The following IDE variants were observed in gnomAD, a reference collection of about 807,000 sequenced individuals.
The protein encoded by IDE is insulin degrading enzyme.
A neutral mutation model predicts 133.2 loss-of-function variants in IDE; 58 were observed. The ratio of observed to expected loss-of-function variants is 0.44; its 90% CI spans 0.35 to 0.54. IDE has a LOEUF of 0.54. Ranked by LOEUF, IDE falls within the 20% of genes least tolerant of loss-of-function variation. IDE has a pLI of 0.00. For synonymous variants in IDE, 396 were observed against 421.3 expected (o/e 0.94, Z 0.73); for missense variants, 981 against 1,234.0 (o/e 0.79, Z 3.07).
At chr10:92,551,316 T>C (rs988704392) in intron 1 of IDE, among the ~76,000 whole-genome samples, 3 of 151,820 alleles carry the variant, frequency 2.0e-5, no homozygotes, top group Admixed American at 6.6e-5. Context: ...ATGCCTGCAA[T>C]CCCAGCACTT....
intron 10 of IDE, among the ~76,000 whole-genome samples, 194 bp downstream of exon 10, chr10:92,506,248 T>C (rs562927859): frequency 6.6e-6 from 1 of 151,256 alleles, no homozygotes; most frequent in Non-Finnish European, 1.5e-5. Context: ...AAATATTACA[T>C]AAAATAAATT....
chr10:92,504,827 A>T lies in IDE; in HGVS notation c.1397T>A (p.Met466Lys), dbSNP rs1341626134. The T allele has an allele frequency of 6.3e-7, 1 of 1,596,812 alleles. No individual in the cohort carries two copies. Among genetic ancestry groups the T allele is most frequent in the Non-Finnish European group, 8.6e-7 (1 of 1,167,900 alleles). Residue 466 changes from methionine (M) to lysine (K), a missense_variant, in exon 11 of 25, where the codon ATG becomes AAG. Met to Lys is a moderately conservative substitution (Grantham distance 95). Around this residue, in one of 2 missense-constraint regions of IDE, gnomAD observed 660 missense variants for 894.7 expected, o/e 0.74. Coordinates refer to ENST00000265986, the MANE Select transcript of IDE (RefSeq NM_004969.4). ...LEEFRPDLIE[M>K]VLDKLRPENV... ...TTCTGGTCTGAGTTTATCGAGAACC[A>T]TCTCTATTAAGTCAGGTCTAAATTC...
intron 1 of IDE, among the ~76,000 whole-genome samples, chr10:92,561,285 A>G (rs1223536976): frequency 6.6e-6 from 1 of 151,910 alleles, no homozygotes; most frequent in Non-Finnish European, 1.5e-5. Context: ...AAATAAATAA[A>G]TAAGTAAGGC....
chr10:92,572,154 A>C (rs917189365), intron 1 of IDE, among the ~76,000 whole-genome samples: 3 of 152,234 alleles, frequency 2.0e-5, no homozygotes, highest in Admixed American at 6.5e-5. Flanking sequence ...TAACTAGAAC[A>C]TACAAACCAC....
intron 4 of IDE, among the ~76,000 whole-genome samples, chr10:92,518,748 ACT>A (rs1329479059): frequency 6.6e-6 from 1 of 152,242 alleles, no homozygotes; most frequent in African/African-American, 2.4e-5. Context: ...AATATGGACA[ACT>A]CTTACAAAAC....
At chr10:92,562,878 G>A (rs11187070) in intron 1 of IDE, among the ~76,000 whole-genome samples, 25,076 of 152,164 alleles carry the variant, frequency 0.16, 2,436 homozygotes, top group Middle Eastern at 0.21. Context: ...GGTGGCTCAC[G>A]TCTGTAATCC....
intron 12 of IDE, among the ~76,000 whole-genome samples, chr10:92,488,617 A>T (rs1265216165): frequency 6.6e-6 from 1 of 152,036 alleles, no homozygotes; most frequent in Non-Finnish European, 1.5e-5. Context: ...ATCTATTAAA[A>T]ATACAAAAAA....
In IDE at chr10:92,510,560, C is replaced by T. The variant is rs1436921465; in HGVS notation, c.785-398G>A. On this transcript the variant is annotated intron_variant, in intron 5 of 24. Coordinates refer to ENST00000265986, the MANE Select transcript of IDE (RefSeq NM_004969.4). ...GTATTTGCATTTTATTTATAAAAGA[C>T]GCCTATTTTTACTTTAGTTTTTTGA... Among the ~76,000 whole-genome samples the T allele has an allele frequency of 4.0e-5, 6 of 151,718 alleles. No individual in the cohort carries two copies. The East Asian group carries it at 5.8e-4, about 15-fold the overall frequency.
chr10:92,466,506 G>A (rs939256865), intron 19 of IDE, among the ~76,000 whole-genome samples: 14 of 152,020 alleles, frequency 9.2e-5, no homozygotes, highest in East Asian at 1.9e-4. Flanking sequence ...TGGTAGATAC[G>A]GGGTTTTGCC....
intron 3 of IDE, among the ~76,000 whole-genome samples, chr10:92,534,011 GA>G (rs1850090427): frequency 6.8e-6 from 1 of 147,260 alleles, no homozygotes; most frequent in African/African-American, 2.5e-5. Flanking sequence ...AAACAAGTGC[GA>G]AACTCCGTCT....
At chr10:92,538,937 A>G (rs1404158237) in intron 1 of IDE, among the ~76,000 whole-genome samples, 1 of 152,190 alleles carries the variant, frequency 6.6e-6, no homozygotes, top group East Asian at 1.9e-4. Flanking sequence ...AACAGATCTG[A>G]CTGTTCCTTA....
Position 92,490,525 on chromosome 10 carries a change from T to C in IDE, c.1501A>G (p.Lys501Glu). Residue 501 changes from lysine (K) to glutamate (E), a missense_variant, in exon 12 of 25, where the codon AAA becomes GAA. Physicochemically the swap from Lys to Glu is moderately conservative, Grantham distance 56. Transcript: ENST00000265986. Reference sequence around the variant, plus strand: ...ACTTCATCCGGTATAGCTTCTTGTTTGTACTGGGTTCCATACCACTCTTCT... The same window carrying C: ...ACTTCATCCGGTATAGCTTCTTGTTCGTACTGGGTTCCATACCACTCTTCT... ...RTEEWYGTQY[K>E]QEAIPDEVIK... is the part of the protein sequence containing the mutation. 2 of 1,611,652 alleles carry C rather than the reference T, an allele frequency of 1.2e-6. No individual in the cohort carries two copies. Among genetic ancestry groups the C allele is most frequent in the Non-Finnish European group, 1.7e-6 (2 of 1,177,850 alleles).
chr10:92,524,446 T>TA (rs1849465005), intron 4 of IDE, among the ~76,000 whole-genome samples: 2 of 42,968 alleles, frequency 4.7e-5, no homozygotes, highest in Non-Finnish European at 8.0e-5. Context: ...TATAATATAT[T>TA]TTATATATTA....
Position 92,496,132 on chromosome 10 carries a change from C to A in IDE, c.1431-5537G>T, listed in dbSNP as rs574118429. Among the ~76,000 whole-genome samples, 7 of 152,238 alleles carry A rather than the reference C, an allele frequency of 4.6e-5. No homozygotes were observed. The East Asian group carries it at 1.4e-3, about 29-fold the overall frequency. On this transcript the variant is annotated intron_variant, in intron 11 of 24. Transcript: ENST00000265986. ...TCAGGTGATCCACCTGCCTCAGCCT[C>A]TCAAAGTGCTGGGATTACAGGCGTG...
intron 11 of IDE, among the ~76,000 whole-genome samples, chr10:92,492,498 T>C (rs1451592255): frequency 6.6e-6 from 1 of 152,142 alleles, no homozygotes; most frequent in African/African-American, 2.4e-5. Flanking sequence ...CTGGGACCAA[T>C]CCTATTTTGA....
At chr10:92,479,200 C>A in intron 15 of IDE, 77 bp downstream of exon 15, 2 of 1,024,386 alleles carry the variant, frequency 2.0e-6, no homozygotes, top group Non-Finnish European at 2.8e-6. Flanking sequence ...AACTCACACC[C>A]TCAATCAAAA....
At chr10:92,507,707 A>T in intron 8 of IDE, 41 bp from the exon 9 acceptor site, 1 of 1,083,110 alleles carries the variant, frequency 9.2e-7, no homozygotes, top group Non-Finnish European at 1.4e-6. Flanking sequence ...TCAGTCCTTG[A>T]ATCCTTCAAA....
intron 13 of IDE, among the ~76,000 whole-genome samples, chr10:92,486,603 T>C (rs1223072811): frequency 1.3e-5 from 2 of 152,108 alleles, no homozygotes; most frequent in Non-Finnish European, 2.9e-5. Flanking sequence ...GAAGGGAGAA[T>C]GTGCTGTAAT....
chr10:92,468,995 G>A lies in IDE; in HGVS notation c.2209-5C>T, dbSNP rs1444837971. 6.6e-7 allele frequency: 1 copy of A among 1,508,184 alleles called. No homozygotes were observed. The highest frequency in any genetic ancestry group is 1.7e-5 in the Admixed American group (1 of 59,776). The allele number at this position is 1,508,184 out of a possible 1,614,324, so 93.4% of individuals were successfully genotyped here. On this transcript the variant is annotated splice_region_variant and splice_polypyrimidine_tract_variant and intron_variant, in intron 18 of 24. Transcript: ENST00000265986. ...CTGCATAATTCCTAATGCAGCCTATGGAAAAAGATATGTCCCAGCATATTA... is the reference window on the plus strand; with the variant it reads ...CTGCATAATTCCTAATGCAGCCTATAGAAAAAGATATGTCCCAGCATATTA...
Sources: allele counts gnomAD v4.1 joint callset (sites outside exome capture counted in the v4.1 genomes callset), GRCh38; gene constraint gnomAD v4.1.1; regional missense constraint gnomAD v4.1.1; transcripts MANE v1.5; gene names NCBI Gene and HGNC (gene_info 2026-07-23, HGNC 2026-07-21).